The following SLC35D2 variants were observed in gnomAD, a reference collection of about 807,000 sequenced individuals.
SLC35D2 encodes the protein nucleotide sugar transporter SLC35D2.
In SLC35D2, 43 loss-of-function variants were observed where a neutral mutation model predicts 41.8. The observed-to-expected ratio is 1.03, with a 90% CI of 0.81 to 1.33. The LOEUF is 1.33. Ranked by LOEUF, SLC35D2 falls within the 40% of genes most tolerant of loss-of-function variation. SLC35D2 has a pLI of 0.00. For synonymous variants in SLC35D2, 150 were observed against 163.9 expected, an observed-to-expected ratio of 0.92 and a Z score of 0.65; for missense variants, 380 against 408.4, an observed-to-expected ratio of 0.93 and a Z score of 0.60.
chr9:96,347,020 C>T (rs967036626), intron 6 of SLC35D2, among the ~76,000 whole-genome samples: 1 of 152,118 alleles, frequency 6.6e-6, no homozygotes, highest in African/African-American at 2.4e-5. Context: ...CCTGTAATCC[C>T]AGCTACTTGG....
chr9:96,360,370 C>G, intron 3 of SLC35D2, 149 bp from the exon 4 acceptor site: 1 of 654,592 alleles, frequency 1.5e-6, no homozygotes. Context: ...GTGGCTCACG[C>G]CTGTAATCCC....
rs555395220 is a variant in SLC35D2 at position 96,332,270 on chromosome 9, C to T, written c.752+4447G>A. 3.9e-5 allele frequency among the ~76,000 whole-genome samples: 6 copies of T among 152,156 alleles called. No individual in the cohort carries two copies. The East Asian group carries it at 9.6e-4, about 24-fold the overall frequency. ...GTGTGTTAACCCTAAAACATCCCTT[C>T]GCACCCGTCAGGAGAGAAGAGACAG... On this transcript the variant is annotated intron_variant, in intron 9 of 11. Transcript: ENST00000253270.
chr9:96,348,874 C>T (rs548126331), intron 6 of SLC35D2, among the ~76,000 whole-genome samples: 8 of 152,268 alleles, frequency 5.3e-5, no homozygotes, highest in South Asian at 4.1e-4. Flanking sequence ...TGCATACCCA[C>T]GGTAACTGAA....
chr9:96,354,082 A>G (rs1234253764), intron 4 of SLC35D2, among the ~76,000 whole-genome samples: 1 of 152,244 alleles, frequency 6.6e-6, no homozygotes, highest in Admixed American at 6.5e-5. Flanking sequence ...AGCTGCAACA[A>G]CAACAACAAA....
chr9:96,381,895 C>T (rs1428081244), intron 1 of SLC35D2, among the ~76,000 whole-genome samples: 1 of 152,134 alleles, frequency 6.6e-6, no homozygotes, highest in Non-Finnish European at 1.5e-5. Flanking sequence ...CCCACTTCAG[C>T]ACATTGTACA....
At chr9:96,331,977 TG>T in intron 9 of SLC35D2, among the ~76,000 whole-genome samples, 1 of 152,136 alleles carries the variant, frequency 6.6e-6, no homozygotes, top group Non-Finnish European at 1.5e-5. Context: ...ATGGAAAAAT[TG>T]TCTTCCAAGA....
At chr9:96,339,012 A>G (rs10990621) in intron 8 of SLC35D2, among the ~76,000 whole-genome samples, 16,027 of 152,312 alleles carry the variant, frequency 0.11, 1,108 homozygotes, top group Middle Eastern at 0.17. Context: ...ATTAATAAGA[A>G]ATAAATAAAA....
At chr9:96,327,766 T>C (rs1340496151) in intron 9 of SLC35D2, among the ~76,000 whole-genome samples, 2 of 151,648 alleles carry the variant, frequency 1.3e-5, no homozygotes, top group African/African-American at 4.8e-5. Context: ...GGACTACAGG[T>C]ACACATCACT....
At chr9:96,370,067 G>C (rs66843688) in intron 1 of SLC35D2, among the ~76,000 whole-genome samples, 28 of 152,052 alleles carry the variant, frequency 1.8e-4, no homozygotes, top group Admixed American at 1.8e-3. Flanking sequence ...GAAAGCTGCC[G>C]GATAATAGCA....
chr9:96,314,487 G>A (rs1360325450), exon 12 of SLC35D2: 1 of 152,018 alleles, frequency 6.6e-6, no homozygotes, highest in Non-Finnish European at 1.5e-5. Context: ...ACTAACACAG[G>A]AACAGAAAAC....
chr9:96,347,882 G>A lies in SLC35D2; in HGVS notation c.489-2481C>T, dbSNP rs1024936959. Among the ~76,000 whole-genome samples, 30 of 152,110 alleles carry A rather than the reference G, an allele frequency of 2.0e-4. 1 individual carries two copies. Among genetic ancestry groups the A allele is most frequent in the Admixed American group, 1.4e-3 (22 of 15,262 alleles). On this transcript the variant is annotated intron_variant, in intron 6 of 11. Transcript: ENST00000253270. ...TGGTCATCCTCACTGCTACACTCCCGCCAGCGCCGTGACAGTTTACAAATG... is the reference window on the plus strand; with the variant it reads ...TGGTCATCCTCACTGCTACACTCCCACCAGCGCCGTGACAGTTTACAAATG...
At chr9:96,353,844 C>T (rs1175925872) in intron 4 of SLC35D2, among the ~76,000 whole-genome samples, 1 of 152,212 alleles carries the variant, frequency 6.6e-6, no homozygotes, top group Non-Finnish European at 1.5e-5. Context: ...AGCCCATCTC[C>T]ACCTGCTTCT....
chr9:96,342,470 A>C (rs2130903319), intron 8 of SLC35D2, among the ~76,000 whole-genome samples: 1 of 152,150 alleles, frequency 6.6e-6, no homozygotes, highest in South Asian at 2.1e-4. Context: ...TGGAGCACTG[A>C]CTCAGTTTAA....
chr9:96,348,649 G>A (rs753081714), intron 6 of SLC35D2, among the ~76,000 whole-genome samples: 4 of 152,180 alleles, frequency 2.6e-5, no homozygotes, highest in African/African-American at 7.2e-5. Flanking sequence ...GCTAAGCACT[G>A]TGGCTAAGCA....
intron 1 of SLC35D2, among the ~76,000 whole-genome samples, chr9:96,370,959 C>T (rs1336228331): frequency 6.6e-6 from 1 of 152,130 alleles, no homozygotes; most frequent in East Asian, 1.9e-4. Flanking sequence ...CACCCAGGAG[C>T]TACATGGCGA....
intron 10 of SLC35D2, among the ~76,000 whole-genome samples, chr9:96,323,626 A>G (rs924505220): frequency 2.0e-5 from 3 of 152,118 alleles, no homozygotes; most frequent in Non-Finnish European, 4.4e-5. Context: ...TATGCAATAG[A>G]TTAGAAGAAG....
chr9:96,329,088 CA>C (rs11325875), intron 9 of SLC35D2, among the ~76,000 whole-genome samples: 19,549 of 94,942 alleles, frequency 0.21, 1,539 homozygotes, highest in East Asian at 0.37. Context: ...GACTCCATCT[CA>C]AAAAAAAAAA....
intron 9 of SLC35D2, among the ~76,000 whole-genome samples, chr9:96,324,413 T>C (rs1303162969): frequency 6.6e-6 from 1 of 152,194 alleles, no homozygotes; most frequent in Non-Finnish European, 1.5e-5. Flanking sequence ...CTCTGTACAT[T>C]TCCAATGAAT....
chr9:96,348,793 T>A (rs1209697334), intron 6 of SLC35D2, among the ~76,000 whole-genome samples: 2 of 152,166 alleles, frequency 1.3e-5, no homozygotes, highest in Non-Finnish European at 2.9e-5. Flanking sequence ...CCCTTTTAGA[T>A]TGTTTGTAGA....
Sources: allele counts gnomAD v4.1 joint callset (sites outside exome capture counted in the v4.1 genomes callset), GRCh38; gene constraint gnomAD v4.1.1; transcripts MANE v1.5; gene names NCBI Gene and HGNC (gene_info 2026-07-23, HGNC 2026-07-21).